INTS4: variants seen among roughly 807,000 people sequenced by gnomAD.
INTS4 encodes MSTP093.
In INTS4, 70 loss-of-function variants were observed where a neutral mutation model predicts 119.5. The ratio of observed to expected loss-of-function variants is 0.59; its 90% confidence interval spans 0.48 to 0.71. INTS4 has a LOEUF of 0.71. INTS4 is among the 30% of genes least tolerant of loss of function. INTS4 has a pLI of 0.00. For synonymous variants in INTS4, 316 were observed against 419.6 expected, an observed-to-expected ratio of 0.75 and a Z score of 3.02; for missense variants, 867 against 1,173.2, an observed-to-expected ratio of 0.74 and a Z score of 3.81.
intron 12 of INTS4, among the ~76,000 whole-genome samples, chr11:77,923,694 A>G (rs1953422717): frequency 6.6e-6 from 1 of 152,084 alleles, no homozygotes; most frequent in African/African-American, 2.4e-5. Context: ...TATTATAACT[A>G]CATGAGGGCC....
intron 5 of INTS4, among the ~76,000 whole-genome samples, chr11:77,960,658 C>T (rs1954446348): frequency 1.3e-5 from 2 of 151,736 alleles, no homozygotes; most frequent in Admixed American, 6.6e-5. Context: ...TGATTAACAC[C>T]ACCTCCCCCT....
At position 77,994,651 on chromosome 11, in the gene INTS4, C is replaced by G. The variant is rs1245325374; in HGVS notation, c.-8G>C. The G allele has an allele frequency of 3.1e-6, 5 of 1,614,088 alleles. No homozygotes were observed. Among genetic ancestry groups the G allele is most frequent in the African/African-American group, 1.3e-5 (1 of 75,040 alleles). On this transcript the variant is annotated 5_prime_UTR_variant, in exon 1 of 23. Transcript: ENST00000534064. ...CTTAAGGTGCGCCGCCATGCCTACC[C>G]GCGGGCCCTCTCAGCTTCCGTACAC...
chr11:77,973,091 C>T (rs1290073774), intron 4 of INTS4, among the ~76,000 whole-genome samples: 3 of 152,144 alleles, frequency 2.0e-5, no homozygotes, highest in African/African-American at 7.2e-5. Flanking sequence ...ATTCTATTGC[C>T]TCAACCTCCC....
intron 4 of INTS4, chr11:77,963,383 A>C (rs924353935): frequency 2.3e-5 from 9 of 395,206 alleles, no homozygotes; most frequent in African/African-American, 1.3e-4. Context: ...AACAAAAAAA[A>C]CTGCTTTTCT....
rs1387356555 is a variant in INTS4, at chr11:77,879,046, C to T, written c.2795G>A (p.Gly932Asp). ...RIPKCPWMEG[G>D]EMSPQVETSI... Reference sequence around the variant, plus strand: ...GGTTTCCACCTGTGGTGACATCTCACCACCCTCCATCCAGGGGCATTTTGG... The same window carrying T: ...GGTTTCCACCTGTGGTGACATCTCATCACCCTCCATCCAGGGGCATTTTGG... The change falls in exon 23 of 23, where the codon GGT becomes GAT. Residue 932 changes from glycine (G) to aspartate (D), a missense_variant. Physicochemically the swap from Gly to Asp is moderately conservative, Grantham distance 94. Transcript: ENST00000534064. The T allele has an allele frequency of 1.2e-6, 2 of 1,614,032 alleles. No homozygotes were observed. Among genetic ancestry groups the T allele is most frequent in the Non-Finnish European group, 8.5e-7 (1 of 1,180,022 alleles).
At chr11:77,954,620 A>G (rs183251980) in intron 8 of INTS4, among the ~76,000 whole-genome samples, 2 of 152,352 alleles carry the variant, frequency 1.3e-5, no homozygotes, top group African/African-American at 4.8e-5. Flanking sequence ...TTTTAGGATG[A>G]AACTGTTCCA....
At chr11:77,923,225 G>A (rs1591061367) in intron 12 of INTS4, among the ~76,000 whole-genome samples, 1 of 150,452 alleles carries the variant, frequency 6.6e-6, no homozygotes, top group East Asian at 2.0e-4. Flanking sequence ...GGCTGAGGCA[G>A]GAGAATCACT....
chr11:77,921,710 A>G (rs965369713), intron 13 of INTS4, among the ~76,000 whole-genome samples: 4 of 152,252 alleles, frequency 2.6e-5, no homozygotes, highest in African/African-American at 9.6e-5. Flanking sequence ...GATTTTGCCT[A>G]TAAAGTAAGC....
chr11:77,905,664 A>G (rs188161374), intron 16 of INTS4, among the ~76,000 whole-genome samples: 28 of 152,308 alleles, frequency 1.8e-4, no homozygotes, highest in African/African-American at 6.7e-4. Flanking sequence ...ATTTCTTGAG[A>G]TCTCAGCTCT....
At chr11:77,968,483 G>C (rs1855584438) in intron 4 of INTS4, among the ~76,000 whole-genome samples, 1 of 152,166 alleles carries the variant, frequency 6.6e-6, no homozygotes, top group African/African-American at 2.4e-5. Context: ...GGTTGTTAGG[G>C]ACGAGGGGAT....
At chr11:77,903,060 G>A (rs560642632) in intron 17 of INTS4, among the ~76,000 whole-genome samples, 13 of 152,142 alleles carry the variant, frequency 8.5e-5, no homozygotes, top group Non-Finnish European at 1.3e-4. Context: ...GTGAGCCACC[G>A]CGCCCGGCCC....
chr11:77,983,333 T>G (rs974715657), intron 2 of INTS4, among the ~76,000 whole-genome samples: 1 of 152,192 alleles, frequency 6.6e-6, no homozygotes, highest in South Asian at 2.1e-4. Context: ...CGGTTTGGTT[T>G]TGAACTCCTG....
chr11:77,952,726 A>G (rs1315846579), intron 8 of INTS4, among the ~76,000 whole-genome samples: 2 of 152,230 alleles, frequency 1.3e-5, no homozygotes, highest in Non-Finnish European at 2.9e-5. Context: ...AGAAATTTCA[A>G]TGTACCATAT....
At chr11:77,929,476 A>G (rs1237295277) in intron 10 of INTS4, among the ~76,000 whole-genome samples, 1 of 152,214 alleles carries the variant, frequency 6.6e-6, no homozygotes, top group East Asian at 1.9e-4. Flanking sequence ...TTATCTCAGT[A>G]TTCTGACCAC....
intron 4 of INTS4, among the ~76,000 whole-genome samples, chr11:77,969,097 C>T (rs1258824608): frequency 2.0e-5 from 3 of 151,984 alleles, no homozygotes; most frequent in African/African-American, 7.3e-5. Context: ...CCACACCCGG[C>T]TAATTTTTGT....
intron 18 of INTS4, among the ~76,000 whole-genome samples, chr11:77,899,047 G>T (rs1187639341): frequency 6.6e-6 from 1 of 151,944 alleles, no homozygotes; most frequent in Non-Finnish European, 1.5e-5. Context: ...ATAAATAAAT[G>T]GTTTTGCATA....
At chr11:77,963,513 C>T in intron 4 of INTS4, 1 of 392,768 alleles carries the variant, frequency 2.5e-6, no homozygotes, top group Non-Finnish European at 4.9e-6. Flanking sequence ...ATTAATGGAG[C>T]AAGTAAGGAA....
intron 10 of INTS4, among the ~76,000 whole-genome samples, chr11:77,935,652 C>T (rs1377126073): frequency 1.3e-5 from 2 of 152,002 alleles, no homozygotes; most frequent in Non-Finnish European, 2.9e-5. Context: ...TCCTAAAACT[C>T]TGGGAGGCCG....
At chr11:77,907,655 G>A in intron 16 of INTS4, 62 bp downstream of exon 16, 1 of 1,223,606 alleles carries the variant, frequency 8.2e-7, no homozygotes. Context: ...CTCACACACT[G>A]CTGGATCCAC....
Sources: allele counts gnomAD v4.1 joint callset (sites outside exome capture counted in the v4.1 genomes callset), GRCh38; gene constraint gnomAD v4.1.1; transcripts MANE v1.5; gene names NCBI Gene and HGNC (gene_info 2026-07-23, HGNC 2026-07-21).